NELL1: variants seen among roughly 807,000 people sequenced by gnomAD.
NELL1 encodes the protein protein kinase C-binding protein NELL1.
A neutral mutation model predicts 107.4 loss-of-function variants in NELL1; 76 were observed. The observed-to-expected ratio is 0.71, with a 90% CI of 0.59 to 0.86. NELL1 has a LOEUF of 0.86. Ranked by LOEUF, NELL1 falls within the 40% of genes least tolerant of loss-of-function variation. The pLI, the probability that NELL1 is intolerant of heterozygous loss-of-function variation, is 0.00. For missense variants in NELL1, 1,024 were observed against 1,005.5 expected (o/e 1.02, Z -0.25); for synonymous variants, 353 against 341.2 (o/e 1.03, Z -0.38).
At chr11:21,316,856 A>G (rs1849890561) in intron 14 of NELL1, among the ~76,000 whole-genome samples, 1 of 152,044 alleles carries the variant, frequency 6.6e-6, no homozygotes, top group African/African-American at 2.4e-5. Flanking sequence ...GGGAAGAGGC[A>G]GGGAAAGGGG....
chr11:21,557,597 C>T (rs189293258), intron 16 of NELL1, among the ~76,000 whole-genome samples: 3 of 152,056 alleles, frequency 2.0e-5, no homozygotes, highest in Admixed American at 2.0e-4. Flanking sequence ...AAGCATTTGA[C>T]AGAAAATAAA....
chr11:21,569,052 T>C (rs1205383817), intron 17 of NELL1, among the ~76,000 whole-genome samples: 1 of 151,790 alleles, frequency 6.6e-6, no homozygotes, highest in East Asian at 1.9e-4. Context: ...TATACAGGCA[T>C]CATTACAAAC....
At chr11:21,475,309 A>G (rs1216732174) in intron 15 of NELL1, among the ~76,000 whole-genome samples, 1 of 152,132 alleles carries the variant, frequency 6.6e-6, no homozygotes, top group African/African-American at 2.4e-5. Flanking sequence ...CCCTGCTGAG[A>G]AAATGTTATT....
chr11:21,525,004 G>A (rs912775677), intron 15 of NELL1, among the ~76,000 whole-genome samples: 2 of 152,140 alleles, frequency 1.3e-5, no homozygotes, highest in Non-Finnish European at 2.9e-5. Flanking sequence ...AAATCCATAG[G>A]CAATAGTAAA....
chr11:21,425,646 C>G (rs890941290), intron 15 of NELL1, among the ~76,000 whole-genome samples: 1 of 152,030 alleles, frequency 6.6e-6, no homozygotes, highest in Non-Finnish European at 1.5e-5. Flanking sequence ...TATAGAGCCC[C>G]GAGAAGTATC....
intron 15 of NELL1, among the ~76,000 whole-genome samples, chr11:21,488,712 T>A (rs543129661): frequency 2.6e-4 from 40 of 152,060 alleles, no homozygotes; most frequent in African/African-American, 9.2e-4. Context: ...GAAATTAAGA[T>A]GGAAATCAAA....
intron 2 of NELL1, among the ~76,000 whole-genome samples, chr11:20,725,070 C>T (rs536987996): frequency 6.6e-6 from 1 of 152,284 alleles, no homozygotes; most frequent in East Asian, 1.9e-4. Flanking sequence ...AATCCAATCA[C>T]CTCCCTCAAC....
At chr11:20,711,354 G>T (rs1171776401) in intron 2 of NELL1, among the ~76,000 whole-genome samples, 1 of 152,080 alleles carries the variant, frequency 6.6e-6, no homozygotes, top group African/African-American at 2.4e-5. Context: ...TATTTTTTAA[G>T]TCAAGCATTT....
intron 17 of NELL1, among the ~76,000 whole-genome samples, chr11:21,567,096 G>A (rs548302582): frequency 6.6e-6 from 1 of 151,874 alleles, no homozygotes; most frequent in East Asian, 2.0e-4. Context: ...TTATCCTTTT[G>A]TTTGATGCCA....
chr11:21,274,114 G>T (rs866599105), intron 14 of NELL1, among the ~76,000 whole-genome samples: 86 of 152,236 alleles, frequency 5.6e-4, no homozygotes, highest in African/African-American at 1.7e-3. Flanking sequence ...TGGCAAATTG[G>T]ATAAAGAGTC....
At chr11:21,340,434 G>A (rs1236860696) in intron 14 of NELL1, among the ~76,000 whole-genome samples, 4 of 152,158 alleles carry the variant, frequency 2.6e-5, no homozygotes, top group East Asian at 1.9e-4. Context: ...TTACAGGCGT[G>A]AGCCACCGCG....
At chr11:21,221,775 C>T (rs1857763374) in intron 13 of NELL1, among the ~76,000 whole-genome samples, 1 of 152,104 alleles carries the variant, frequency 6.6e-6, no homozygotes, top group Non-Finnish European at 1.5e-5. Flanking sequence ...TCACTGCAGC[C>T]TTGACCTCCC....
chr11:21,227,959 T>G (rs886911850), intron 13 of NELL1, among the ~76,000 whole-genome samples: 4 of 152,344 alleles, frequency 2.6e-5, no homozygotes, highest in Admixed American at 6.5e-5. Flanking sequence ...TGAAGATTGA[T>G]GGTTTTTCAA....
chr11:21,514,072 G>A (rs1433335718), intron 15 of NELL1, among the ~76,000 whole-genome samples: 1 of 152,102 alleles, frequency 6.6e-6, no homozygotes, highest in Non-Finnish European at 1.5e-5. Flanking sequence ...AAAACAACTC[G>A]ATTGCAAATG....
At chr11:20,753,496 A>T (rs78319934) in intron 2 of NELL1, among the ~76,000 whole-genome samples, 7 of 152,274 alleles carry the variant, frequency 4.6e-5, no homozygotes, top group African/African-American at 1.7e-4. Context: ...TTGTGCCCCT[A>T]CATTAATCAC....
chr11:20,930,233 C>G (rs1022754202), intron 9 of NELL1, among the ~76,000 whole-genome samples: 1 of 152,106 alleles, frequency 6.6e-6, no homozygotes, highest in African/African-American at 2.4e-5. Flanking sequence ...AAAGTTCACC[C>G]ATAATAGCTC....
intron 4 of NELL1, among the ~76,000 whole-genome samples, chr11:20,858,800 G>A (rs762325055): frequency 2.0e-5 from 3 of 152,160 alleles, no homozygotes; most frequent in South Asian, 2.1e-4. Context: ...ACAATTAACC[G>A]TTTGTAGGGG....
At chr11:21,478,276 G>A (rs971482569) in intron 15 of NELL1, among the ~76,000 whole-genome samples, 6 of 152,020 alleles carry the variant, frequency 3.9e-5, no homozygotes, top group Non-Finnish European at 2.9e-5. Flanking sequence ...TCCCTCCCTC[G>A]ACACATGGGG....
At chr11:20,948,486 G>T (rs1255720323) in intron 11 of NELL1, among the ~76,000 whole-genome samples, 1 of 151,906 alleles carries the variant, frequency 6.6e-6, no homozygotes, top group East Asian at 1.9e-4. Context: ...TGATCTTTGT[G>T]TTGGGAACAT....
Sources: allele counts gnomAD v4.1 joint callset (sites outside exome capture counted in the v4.1 genomes callset), GRCh38; gene constraint gnomAD v4.1.1; transcripts MANE v1.5; gene names NCBI Gene and HGNC (gene_info 2026-07-23, HGNC 2026-07-21).